MAP2: variants seen among roughly 807,000 people sequenced by gnomAD.
The protein encoded by MAP2 is microtubule associated protein 2.
MAP2 carries 14 observed loss-of-function variants against 137.6 expected under a neutral mutation model. The observed-to-expected ratio is 0.10, with a 90% CI of 0.07 to 0.16. The LOEUF (loss-of-function observed/expected upper bound fraction) is 0.16, where lower values mean the gene tolerates loss of function less well. MAP2 is among the 10% of genes least tolerant of loss of function. The pLI is 1.00. For missense variants in MAP2, 2,088 were observed against 2,191.5 expected, an observed-to-expected ratio of 0.95 and a Z score of 0.94; for synonymous variants, 786 against 782.3, an observed-to-expected ratio of 1.00 and a Z score of -0.08.
intron 1 of MAP2, among the ~76,000 whole-genome samples, chr2:209,436,279 A>G (rs1696264538): frequency 6.6e-6 from 1 of 151,422 alleles, no homozygotes. Flanking sequence ...ACGTATTAAT[A>G]TTTTTATAGT....
chr2:209,432,810 T>G (rs535187475), intron 1 of MAP2, among the ~76,000 whole-genome samples: 38 of 152,284 alleles, frequency 2.5e-4, no homozygotes, highest in Admixed American at 1.6e-3. Context: ...TAAAACCACC[T>G]GGATTGTATA....
chr2:209,428,547 A>G (rs1574521153), intron 1 of MAP2, among the ~76,000 whole-genome samples: 1 of 151,978 alleles, frequency 6.6e-6, no homozygotes, highest in Admixed American at 6.5e-5. Context: ...TTGTATTGGC[A>G]AAATAAACAT....
At chr2:209,683,104 A>T (rs1336018678) in intron 7 of MAP2, among the ~76,000 whole-genome samples, 2 of 152,196 alleles carry the variant, frequency 1.3e-5, no homozygotes, top group African/African-American at 4.8e-5. Flanking sequence ...GAATTCACCC[A>T]GCCTGCTTCC....
At chr2:209,561,021 T>A (rs1474940813) in intron 2 of MAP2, among the ~76,000 whole-genome samples, 1 of 152,076 alleles carries the variant, frequency 6.6e-6, no homozygotes, top group Non-Finnish European at 1.5e-5. Flanking sequence ...AAACAATAAT[T>A]CTTTTCTTTA....
At chr2:209,715,970 G>C (rs1022051466) in intron 13 of MAP2, among the ~76,000 whole-genome samples, 1 of 151,936 alleles carries the variant, frequency 6.6e-6, no homozygotes, top group African/African-American at 2.4e-5. Flanking sequence ...ATCTGATTTT[G>C]TGCCCTGAAT....
At chr2:209,594,758 C>T (rs917531267) in intron 3 of MAP2, among the ~76,000 whole-genome samples, 1 of 152,066 alleles carries the variant, frequency 6.6e-6, no homozygotes, top group Non-Finnish European at 1.5e-5. Context: ...TGTTTTACCT[C>T]TAGTATTTAC....
intron 1 of MAP2, among the ~76,000 whole-genome samples, chr2:209,493,812 G>A (rs1040635324): frequency 1.4e-4 from 22 of 152,140 alleles, no homozygotes; most frequent in Non-Finnish European, 2.2e-4. Flanking sequence ...TAGAGAAATA[G>A]GAATGCTTTT....
intron 1 of MAP2, among the ~76,000 whole-genome samples, chr2:209,479,707 T>A (rs973450424): frequency 6.6e-6 from 1 of 152,090 alleles, no homozygotes. Flanking sequence ...AATAGCACAA[T>A]TTTGAACTAC....
At chr2:209,592,078 G>A (rs1208345918) in intron 3 of MAP2, among the ~76,000 whole-genome samples, 1 of 152,142 alleles carries the variant, frequency 6.6e-6, no homozygotes, top group Non-Finnish European at 1.5e-5. Flanking sequence ...GAGATCCAGA[G>A]GCTTTAATGC....
chr2:209,444,534 G>A (rs1481493299), intron 1 of MAP2, among the ~76,000 whole-genome samples: 1 of 151,368 alleles, frequency 6.6e-6, no homozygotes, highest in Non-Finnish European at 1.5e-5. Flanking sequence ...TAGAACCTGG[G>A]CTGGGCTGAT....
intron 1 of MAP2, among the ~76,000 whole-genome samples, chr2:209,501,068 T>C (rs565437270): frequency 2.0e-5 from 3 of 149,160 alleles, no homozygotes; most frequent in Admixed American, 2.0e-4. Flanking sequence ...ACTCTATACC[T>C]TAAAAATATG....
intron 1 of MAP2, among the ~76,000 whole-genome samples, chr2:209,434,827 CTCTCTCTA>C (rs1369302913): frequency 1.8e-5 from 2 of 108,918 alleles, no homozygotes; most frequent in Non-Finnish European, 3.4e-5. Flanking sequence ...CTCTCTCTCT[CTCTCTCTA>C]TATATATATA....
intron 12 of MAP2, among the ~76,000 whole-genome samples, chr2:209,707,733 A>C (rs1356097227): frequency 6.6e-6 from 1 of 152,192 alleles, no homozygotes; most frequent in East Asian, 1.9e-4. Context: ...AAAATTGGTC[A>C]TATATATTGA....
chr2:209,618,483 GACA>G (rs1250185936), intron 3 of MAP2, among the ~76,000 whole-genome samples: 1 of 152,050 alleles, frequency 6.6e-6, no homozygotes, highest in Admixed American at 6.6e-5. Flanking sequence ...TAAGTCTTAC[GACA>G]ACATGTGAAC....
chr2:209,550,275 A>G (rs1383207658), intron 2 of MAP2, among the ~76,000 whole-genome samples: 7 of 152,172 alleles, frequency 4.6e-5, no homozygotes, highest in South Asian at 2.1e-4. Context: ...TTCACAACAT[A>G]TATCTTATGG....
At chr2:209,435,495 A>G (rs1695697903) in intron 1 of MAP2, among the ~76,000 whole-genome samples, 1 of 151,802 alleles carries the variant, frequency 6.6e-6, no homozygotes, top group South Asian at 2.1e-4. Context: ...CATGTAATAG[A>G]GGGTTCCTTT....
At chr2:209,670,771 A>AT (rs2048478569) in intron 5 of MAP2, among the ~76,000 whole-genome samples, 1 of 151,990 alleles carries the variant, frequency 6.6e-6, no homozygotes, top group South Asian at 2.1e-4. Context: ...AGAGGACCAT[A>AT]TGAGTGACTG....
In MAP2 at chr2:209,541,281, C is replaced by T. The variant is rs554921616; in HGVS notation, c.-172+33640C>T. ...CTAACTTCAAGTGATCCATCTGCCT[C>T]GGCCTCCCGAAGTGCTGGGATTACA... is the stretch of plus-strand genomic sequence containing the variant. On this transcript the variant is annotated intron_variant, in intron 2 of 15. Transcript: ENST00000682079. Among the ~76,000 whole-genome samples, 186 of 151,264 alleles carry T rather than the reference C, an allele frequency of 1.2e-3. 1 individual carries two copies. Among genetic ancestry groups the T allele is most frequent in the Non-Finnish European group, 2.1e-3 (144 of 68,028 alleles).
At chr2:209,449,746 T>C (rs1699907673) in intron 1 of MAP2, among the ~76,000 whole-genome samples, 1 of 152,176 alleles carries the variant, frequency 6.6e-6, no homozygotes, top group Non-Finnish European at 1.5e-5. Flanking sequence ...TTCCAGTTTC[T>C]TTGTCTGACT....
Sources: gnomAD v4.1 joint callset for allele counts (sites outside exome capture counted in the v4.1 genomes callset) on GRCh38, gnomAD v4.1.1 for gene constraint, MANE v1.5 for transcripts, NCBI Gene and HGNC (gene_info 2026-07-23, HGNC 2026-07-21) for gene names.